Variants in TM9SF2 observed in about 807,000 individuals in gnomAD.
TM9SF2 encodes the protein 76 kDa membrane protein.
Under a neutral mutation model 84.9 loss-of-function variants are expected in TM9SF2, and 13 were observed. The ratio of observed to expected loss-of-function variants is 0.15; its 90% CI spans 0.10 to 0.24. The LOEUF is 0.24. TM9SF2 is among the 10% of genes least tolerant of loss of function. The pLI, the probability that TM9SF2 is intolerant of heterozygous loss-of-function variation, is 1.00. For missense variants in TM9SF2, 562 were observed against 818.5 expected, an observed-to-expected ratio of 0.69 and a Z score of 3.82; for synonymous variants, 273 against 285.8, an observed-to-expected ratio of 0.96 and a Z score of 0.45.
intron 1 of TM9SF2, among the ~76,000 whole-genome samples, chr13:99,512,337 G>A (rs2046117034): frequency 6.6e-6 from 1 of 152,106 alleles, no homozygotes; most frequent in Non-Finnish European, 1.5e-5. Flanking sequence ...ACTTGCCCAA[G>A]AGCACTTAAT....
chr13:99,549,229 G>T lies in TM9SF2; in HGVS notation c.1328+7G>T. The T allele has an allele frequency of 6.2e-7, 1 of 1,611,434 alleles. No individual in the cohort carries two copies. The highest frequency in any genetic ancestry group is 2.2e-5 in the East Asian group (1 of 44,744). On this transcript the variant is annotated splice_region_variant and intron_variant, in intron 12 of 16. Transcript: ENST00000376387. ...CATCATTTCTTTGTCCTGGGTAAGT[G>T]AATTTTTCAAGAATTACTTTCTTAA...
intron 11 of TM9SF2, 107 bp downstream of exon 11, chr13:99,547,211 A>G (rs1246502235): frequency 2.7e-6 from 4 of 1,501,078 alleles, no homozygotes; most frequent in South Asian, 1.3e-5. Context: ...AGTGTGCCTC[A>G]TAGGGGTCTG....
chr13:99,538,938 C>G (rs1334514260), intron 6 of TM9SF2, among the ~76,000 whole-genome samples: 6 of 151,784 alleles, frequency 4.0e-5, no homozygotes, highest in Admixed American at 1.3e-4. Context: ...GGCATGGTGG[C>G]TCATGTTGTA....
chr13:99,538,006 T>C, intron 6 of TM9SF2, 143 bp downstream of exon 6: 1 of 1,196,310 alleles, frequency 8.4e-7, no homozygotes, highest in Admixed American at 3.4e-5. Flanking sequence ...GATTTGTTAT[T>C]GTTATGGGTT....
chr13:99,507,472 TAGTC>T (rs1184748438), intron 1 of TM9SF2, among the ~76,000 whole-genome samples: 1 of 152,220 alleles, frequency 6.6e-6, no homozygotes, highest in Non-Finnish European at 1.5e-5. Context: ...AATTTTTAAG[TAGTC>T]AGGTTTTATA....
intron 1 of TM9SF2, among the ~76,000 whole-genome samples, chr13:99,508,562 A>G (rs2046099816): frequency 6.6e-6 from 1 of 151,938 alleles, no homozygotes; most frequent in Admixed American, 6.6e-5. Flanking sequence ...AGACTGGGTA[A>G]TTTATAAAGA....
intron 14 of TM9SF2, 27 bp from the exon 15 acceptor site, chr13:99,555,509 G>T (rs1456207236): frequency 1.3e-6 from 2 of 1,490,998 alleles, no homozygotes; most frequent in South Asian, 2.3e-5. Context: ...AATATTTATA[G>T]TTCCTTCTTG....
chr13:99,545,725 C>G (rs1212188379), intron 10 of TM9SF2, among the ~76,000 whole-genome samples: 1 of 152,062 alleles, frequency 6.6e-6, no homozygotes, highest in Non-Finnish European at 1.5e-5. Context: ...TGCCACCACG[C>G]CTGGCTGATT....
chr13:99,507,947 G>A (rs1395944131), intron 1 of TM9SF2, among the ~76,000 whole-genome samples: 1 of 152,126 alleles, frequency 6.6e-6, no homozygotes, highest in South Asian at 2.1e-4. Flanking sequence ...TAGTCCTGTG[G>A]CATGGCCCGT....
intron 15 of TM9SF2, 115 bp downstream of exon 15, chr13:99,555,762 CA>C: frequency 1.7e-6 from 1 of 601,438 alleles, no homozygotes; most frequent in South Asian, 3.1e-5. Flanking sequence ...TTATGATAGA[CA>C]TTGACCTGTA....
At position 99,537,786 on chromosome 13, in the gene TM9SF2, C is replaced by G; in HGVS notation, c.639C>G (p.Asp213Glu). The change falls in exon 6 of 17, where the codon GAC becomes GAG. Residue 213 changes from aspartate to glutamate, a missense_variant. Asp to Glu is a conservative substitution (Grantham distance 45). Coordinates refer to ENST00000376387, the MANE Select transcript of TM9SF2 (RefSeq NM_004800.3). ...RDTFYIFNHV[D>E]IKIYYHVVET... ...CATTTTACATCTTCAACCATGTTGA[C>G]ATCAAAATATACTATCATGTTGTTG... The G allele has an allele frequency of 6.2e-7, 1 of 1,611,314 alleles. No individual in the cohort carries two copies. The highest frequency in any genetic ancestry group is 8.5e-7 in the Non-Finnish European group (1 of 1,179,514).
intron 13 of TM9SF2, among the ~76,000 whole-genome samples, 161 bp from the exon 14 acceptor site, chr13:99,554,143 T>TG (rs1312140872): frequency 1.3e-5 from 2 of 152,238 alleles, no homozygotes; most frequent in Non-Finnish European, 2.9e-5. Context: ...ACCTGGATGA[T>TG]GGCTTCCAAA....
intron 4 of TM9SF2, among the ~76,000 whole-genome samples, chr13:99,536,089 C>G (rs1299362315): frequency 6.6e-6 from 1 of 152,012 alleles, no homozygotes; most frequent in Non-Finnish European, 1.5e-5. Context: ...TAATAAGAGG[C>G]ATTTCCTTCT....
intron 14 of TM9SF2, among the ~76,000 whole-genome samples, chr13:99,554,810 C>A (rs865832787): frequency 6.6e-6 from 1 of 152,130 alleles, no homozygotes; most frequent in Non-Finnish European, 1.5e-5. Context: ...GAAAATTCAC[C>A]GAAGTTTCTC....
At chr13:99,534,068 A>G (rs530775761) in intron 4 of TM9SF2, among the ~76,000 whole-genome samples, 1 of 152,160 alleles carries the variant, frequency 6.6e-6, no homozygotes, top group Non-Finnish European at 1.5e-5. Flanking sequence ...TCCTGAAACT[A>G]TTGCTTTGAT....
chr13:99,539,520 A>T lies in TM9SF2; in HGVS notation c.791A>T (p.Glu264Val). The change falls in exon 7 of 17, where the codon GAG becomes GTG. Residue 264 changes from glutamate to valine, a missense_variant. Physicochemically the swap from Glu to Val is moderately radical, Grantham distance 121. This residue lies in a region of TM9SF2 where 219 missense variants were observed against 338.1 expected (regional missense o/e 0.65). Coordinates refer to ENST00000376387, the MANE Select transcript of TM9SF2 (RefSeq NM_004800.3). ...GACATAAGTAACAAGGCTTCTGGGG[A>T]GATAAAAATTGCCTATACTTACTCT... is the stretch of plus-strand genomic sequence containing the variant. ...PMDISNKASG[E>V]IKIAYTYSVS... 2 of 1,613,664 alleles carry T rather than the reference A, an allele frequency of 1.2e-6. No individual in the cohort carries two copies. Among genetic ancestry groups the T allele is most frequent in the Non-Finnish European group, 1.7e-6 (2 of 1,179,602 alleles).
At chr13:99,556,778 G>A (rs2046326535) in intron 15 of TM9SF2, among the ~76,000 whole-genome samples, 1 of 151,910 alleles carries the variant, frequency 6.6e-6, no homozygotes. Context: ...GGTAGAGACG[G>A]GGTTTCACCA....
chr13:99,530,498 A>G (rs2046203897), intron 4 of TM9SF2, among the ~76,000 whole-genome samples: 1 of 152,266 alleles, frequency 6.6e-6, no homozygotes, highest in African/African-American at 2.4e-5. Flanking sequence ...TTCAATTTCT[A>G]AAAAACACCA....
At chr13:99,518,203 C>G (rs1184189917) in intron 2 of TM9SF2, among the ~76,000 whole-genome samples, 1 of 152,190 alleles carries the variant, frequency 6.6e-6, no homozygotes, top group African/African-American at 2.4e-5. Flanking sequence ...CCTCTGCCTC[C>G]CGCGTTCAGG....
Sources: allele counts gnomAD v4.1 joint callset (sites outside exome capture counted in the v4.1 genomes callset), GRCh38; gene constraint gnomAD v4.1.1; regional missense constraint gnomAD v4.1.1; transcripts MANE v1.5; gene names NCBI Gene and HGNC (gene_info 2026-07-23, HGNC 2026-07-21).